The following KCNQ1OT1 variants were observed in gnomAD, a reference collection of about 807,000 sequenced individuals.
The protein encoded by KCNQ1OT1 is KCNQ1 opposite strand/antisense transcript 1, also known as KCNQ1 antisense RNA 2 (non-protein coding).
chr11:2,613,412 G>A lies in KCNQ1OT1; in HGVS notation n.86583C>T, dbSNP rs1191021705. The A allele has an allele frequency of 2.5e-6, 1 of 398,384 alleles. No individual in the cohort carries two copies. Among genetic ancestry groups the A allele is most frequent in the East Asian group, 3.6e-5 (1 of 28,074 alleles). The allele number at this position is 398,384 out of a possible 1,614,324, so 24.7% of individuals were successfully genotyped here. On this transcript the variant is annotated non_coding_transcript_exon_variant, in exon 1 of 1. Coordinates refer to ENST00000597346, the Ensembl canonical transcript of KCNQ1OT1. This position sits in a 1 kb window ranked among gnomAD's most constrained non-coding sequence, Gnocchi z 4.8. ...CCAATTATTTGCCACTGAAATCCTT[G>A]TTGCTTAACATAGTGCATAGGGTTT...
exon 1 of KCNQ1OT1, chr11:2,688,360 G>A (rs1041414201): frequency 6.0e-5 from 24 of 398,630 alleles, no homozygotes; most frequent in African/African-American, 4.5e-4. Flanking sequence ...CGTGTCTGGG[G>A]AACTTCCCCG....
At chr11:2,634,901 G>C (rs1849432312) in exon 1 of KCNQ1OT1, 1 of 152,156 alleles carries the variant, frequency 6.6e-6, no homozygotes, top group Non-Finnish European at 1.5e-5. Context: ...ATCTCATTGT[G>C]GTTTTTTGAT....
exon 1 of KCNQ1OT1, chr11:2,641,316 G>A: frequency 2.5e-6 from 1 of 398,068 alleles, no homozygotes. Context: ...TCCAGCATTG[G>A]TTAATTTTTG....
Position 2,691,168 on chromosome 11 carries a change from T to C in KCNQ1OT1, n.8827A>G, listed in dbSNP as rs909047201. 6 of 398,492 alleles carry C rather than the reference T, an allele frequency of 1.5e-5. No individual in the cohort carries two copies. Among genetic ancestry groups the C allele is most frequent in the Non-Finnish European group, 2.7e-5 (6 of 226,086 alleles). 24.7% of individuals were successfully genotyped at this position (398,492 alleles called of 1,614,324 possible). ...GCTGGCCTCTGGCCTCTCACAGCCT[T>C]GGGAGGGGTGCTCAGAGCTCAGCTG... is the stretch of plus-strand genomic sequence containing the variant. On this transcript the variant is annotated non_coding_transcript_exon_variant, in exon 1 of 1. Transcript: ENST00000597346. This position sits in a 1 kb window ranked among gnomAD's most constrained non-coding sequence, Gnocchi z 6.4.
Position 2,698,071 on chromosome 11 carries a change from T to C in KCNQ1OT1, n.1924A>G, listed in dbSNP as rs920359860. 2.5e-6 allele frequency: 1 copy of C among 398,654 alleles called. No homozygotes were observed. The highest frequency in any genetic ancestry group is 1.3e-4 in the South Asian group (1 of 7,860). The allele number at this position is 398,654 out of a possible 1,614,324, so 24.7% of individuals were successfully genotyped here. On this transcript the variant is annotated non_coding_transcript_exon_variant, in exon 1 of 1. Transcript: ENST00000597346. This position sits in a 1 kb window ranked among gnomAD's most constrained non-coding sequence, Gnocchi z 5.1. ...ATCTGGTTAATCCTGCCTGCCTGCT[T>C]TCCTTCAAGTACTGACTGAGTAAGG... is the stretch of plus-strand genomic sequence containing the variant.
In KCNQ1OT1 at chr11:2,616,204, G is replaced by GT. The variant is rs1002332005; in HGVS notation, n.83790dup. ...GATCAGTTATATCGTTCCCACTTTTGTTTTTTTTTCTTATTTTTGTTTTTT... is the reference window on the plus strand; with the variant it reads ...GATCAGTTATATCGTTCCCACTTTTGTTTTTTTTTTCTTATTTTTGTTTTTT... On this transcript the variant is annotated non_coding_transcript_exon_variant, in exon 1 of 1. Transcript: ENST00000597346. 622 of 369,532 alleles carry GT rather than the reference G, an allele frequency of 1.7e-3. 1 individual carries two copies. Among genetic ancestry groups the GT allele is most frequent in the African/African-American group, 0.01 (477 of 45,836 alleles). The allele number at this position is 369,532 out of a possible 1,614,324, so 22.9% of individuals were successfully genotyped here.
chr11:2,699,779 G>A (rs1850759281), exon 1 of KCNQ1OT1: 2 of 397,674 alleles, frequency 5.0e-6, no homozygotes, highest in Non-Finnish European at 8.9e-6. Flanking sequence ...GAGCCCCGAG[G>A]AGAACCGCGC....
Position 2,696,276 on chromosome 11 carries a change from C to G in KCNQ1OT1, n.3719G>C, listed in dbSNP as rs950667786. On this transcript the variant is annotated non_coding_transcript_exon_variant, in exon 1 of 1. Coordinates refer to ENST00000597346, the Ensembl canonical transcript of KCNQ1OT1. ...TTCAAATATTTAGTCCATTTGGAGTCTACTTTTCCTAGGGGCTCAGTTAGG... is the reference window on the plus strand; with the variant it reads ...TTCAAATATTTAGTCCATTTGGAGTGTACTTTTCCTAGGGGCTCAGTTAGG... 2.8e-5 allele frequency: 11 copies of G among 398,508 alleles called. No homozygotes were observed. In the Admixed American group the frequency reaches 4.4e-4, roughly 16 times the overall value. The allele number at this position is 398,508 out of a possible 1,614,324, so 24.7% of individuals were successfully genotyped here.
Position 2,642,030 on chromosome 11 carries a change from C to G in KCNQ1OT1, n.57965G>C. On this transcript the variant is annotated non_coding_transcript_exon_variant, in exon 1 of 1. Transcript: ENST00000597346. This position sits in a 1 kb window ranked among gnomAD's most constrained non-coding sequence, Gnocchi z 4.3. ...ACCATGCTGCTTTTAATGCTATAGC[C>G]TTATATTTTTAAATCAGGCAGTGTG... 1 of 398,126 alleles carries G rather than the reference C, an allele frequency of 2.5e-6. No homozygotes were observed. 24.7% of individuals were successfully genotyped at this position (398,126 alleles called of 1,614,324 possible). A position where few individuals can be genotyped will look rare whatever the true frequency, so the allele number is the denominator to read the frequency against.
At position 2,691,733 on chromosome 11, in the gene KCNQ1OT1, A is replaced by G; in HGVS notation, n.8262T>C. 1 of 398,670 alleles carries G rather than the reference A, an allele frequency of 2.5e-6. No individual in the cohort carries two copies. Among genetic ancestry groups the G allele is most frequent in the Non-Finnish European group, 4.4e-6 (1 of 226,122 alleles). The allele number at this position is 398,670 out of a possible 1,614,324, so 24.7% of individuals were successfully genotyped here. A position where few individuals can be genotyped will look rare whatever the true frequency, so the allele number is the denominator to read the frequency against. On this transcript the variant is annotated non_coding_transcript_exon_variant, in exon 1 of 1. Coordinates refer to ENST00000597346, the Ensembl canonical transcript of KCNQ1OT1. The surrounding 1 kb of genome is among the most constrained non-coding windows in gnomAD (Gnocchi z 6.4). ...GGAGAGGCAGCCCACAGGGAGCCAC[A>G]CAGGCAGGGGACATTCCACTAGGGC...
Position 2,663,066 on chromosome 11 carries a change from T to TTGGTTCTC in KCNQ1OT1, n.36928_36929insGAGAACCA, listed in dbSNP as rs1232808553. On this transcript the variant is annotated non_coding_transcript_exon_variant, in exon 1 of 1. Transcript: ENST00000597346. This position sits in a 1 kb window ranked among gnomAD's most constrained non-coding sequence, Gnocchi z 5.2. The stretch of plus-strand genomic sequence containing the variant: ...AGGTGTAACCAGAGAACTGGCAGGG[T>TTGGTTCTC]TGGGTAGCCAGAATGAGGCCACCTC... 791 of 398,432 alleles carry TTGGTTCTC rather than the reference T, an allele frequency of 2.0e-3. 2 individuals are homozygous for TTGGTTCTC. The highest frequency in any genetic ancestry group is 2.6e-3 in the Non-Finnish European group (578 of 226,076). 24.7% of individuals were successfully genotyped at this position (398,432 alleles called of 1,614,324 possible). A position where few individuals can be genotyped will look rare whatever the true frequency, so the allele number is the denominator to read the frequency against.
chr11:2,619,170 T>A (rs1849120826), exon 1 of KCNQ1OT1: 1 of 398,438 alleles, frequency 2.5e-6, no homozygotes, highest in South Asian at 1.3e-4. Flanking sequence ...CTTTCATTTC[T>A]TTTTCTTGTC....
exon 1 of KCNQ1OT1, chr11:2,650,612 C>G: frequency 2.5e-6 from 1 of 398,600 alleles, no homozygotes; most frequent in Non-Finnish European, 4.4e-6. Flanking sequence ...GAGGTACTTA[C>G]TCCTCTATTT....
rs948335400 is a variant in KCNQ1OT1, at chr11:2,674,235, G to A, written n.25760C>T. 6.0e-5 allele frequency: 24 copies of A among 398,632 alleles called. No individual in the cohort carries two copies. The Admixed American group carries it at 8.4e-4, about 14-fold the overall frequency. The allele number at this position is 398,632 out of a possible 1,614,324, so 24.7% of individuals were successfully genotyped here. Reference sequence around the variant, plus strand: ...TTTCTTGGGGCCCAGATAGATGTGAGCAGAGCTGGAGGCCCCTCTCTCCCA... The same window carrying A: ...TTTCTTGGGGCCCAGATAGATGTGAACAGAGCTGGAGGCCCCTCTCTCCCA... On this transcript the variant is annotated non_coding_transcript_exon_variant, in exon 1 of 1. Coordinates refer to ENST00000597346, the Ensembl canonical transcript of KCNQ1OT1. The surrounding 1 kb of genome is among the most constrained non-coding windows in gnomAD (Gnocchi z 5.9).
At position 2,658,826 on chromosome 11, in the gene KCNQ1OT1, T is replaced by C. The variant is rs1190920181; in HGVS notation, n.41169A>G. ...CCCCCACAACTTATTTATAGCTTTT[T>C]CTCTGACAGCTAGAAACCTGGCTCC... On this transcript the variant is annotated non_coding_transcript_exon_variant, in exon 1 of 1. Transcript: ENST00000597346. This position sits in a 1 kb window ranked among gnomAD's most constrained non-coding sequence, Gnocchi z 4.9. The C allele has an allele frequency of 2.5e-6, 1 of 398,628 alleles. No individual in the cohort carries two copies. 24.7% of individuals were successfully genotyped at this position (398,628 alleles called of 1,614,324 possible).
rs1849208088 is a variant in KCNQ1OT1, at chr11:2,623,452, A to G, written n.76543T>C. The stretch of plus-strand genomic sequence containing the variant: ...CCTTCTTCCCCAACAACCCTTGGCA[A>G]CCACTGAACTTTTTACTGCCTCCAT... On this transcript the variant is annotated non_coding_transcript_exon_variant, in exon 1 of 1. Coordinates refer to ENST00000597346, the Ensembl canonical transcript of KCNQ1OT1. The surrounding 1 kb of genome is among the most constrained non-coding windows in gnomAD (Gnocchi z 5.2). The G allele has an allele frequency of 2.5e-6, 1 of 398,534 alleles. No individual in the cohort carries two copies. The highest frequency in any genetic ancestry group is 2.1e-5 in the African/African-American group (1 of 48,648). 24.7% of individuals were successfully genotyped at this position (398,534 alleles called of 1,614,324 possible).
exon 1 of KCNQ1OT1, chr11:2,655,641 G>C (rs1849832010): frequency 5.0e-6 from 2 of 398,716 alleles, no homozygotes; most frequent in South Asian, 2.5e-4. Flanking sequence ...GCCTGAAAGA[G>C]GCAGCACCAG....
At chr11:2,648,363 G>C (rs1353457326) in exon 1 of KCNQ1OT1, 2 of 398,166 alleles carry the variant, frequency 5.0e-6, no homozygotes, top group Non-Finnish European at 8.8e-6. Context: ...CGTTTATTAG[G>C]TTATTTGTTT....
chr11:2,697,504 C>CT, exon 1 of KCNQ1OT1: 2 of 398,578 alleles, frequency 5.0e-6, no homozygotes, highest in Non-Finnish European at 8.8e-6. Flanking sequence ...TGGTTTATAA[C>CT]TTGTATCAAG....
Sources: allele counts gnomAD v4.1 joint callset, GRCh38; gene constraint gnomAD v4.1.1; non-coding constraint Gnocchi (gnomAD v3.1); transcripts MANE v1.5; gene names NCBI Gene and HGNC (gene_info 2026-07-23, HGNC 2026-07-21).